Variants in ACYP2 observed in about 807,000 individuals in gnomAD.
ACYP2 encodes acylphosphatase-2.
Under a neutral mutation model 11.2 loss-of-function variants are expected in ACYP2, and 12 were observed. That is an observed-to-expected ratio of 1.08 (90% CI 0.69 to 1.74). The LOEUF (loss-of-function observed/expected upper bound fraction) is 1.74, where lower values mean the gene tolerates loss of function less well. ACYP2 is among the 40% of genes most tolerant of loss of function. ACYP2 has a pLI of 0.00. For synonymous variants in ACYP2, 43 were observed against 32.2 expected (o/e 1.33, Z -1.13); for missense variants, 134 against 101.9 (o/e 1.31, Z -1.35).
Position 54,146,460 on chromosome 2 carries a change from A to T in ACYP2, c.404+7712A>T, listed in dbSNP as rs1367617715. Among the ~76,000 whole-genome samples the T allele has an allele frequency of 4.0e-5, 6 of 148,824 alleles. No individual in the cohort carries two copies. In the East Asian group the frequency reaches 7.9e-4, roughly 20 times the overall value. On this transcript the variant is annotated intron_variant, in intron 6 of 6. Transcript: ENST00000607452. ...CTCTATTTTTTTTTTTTTTTATTAC[A>T]GACTGGATTTTACCCTGTTGGCCAG...
intron 6 of ACYP2, among the ~76,000 whole-genome samples, chr2:54,190,768 C>T (rs1260501865): frequency 6.6e-6 from 1 of 152,092 alleles, no homozygotes; most frequent in East Asian, 1.9e-4. Context: ...ACCTGAACTC[C>T]AGAGTCACAT....
chr2:53,981,693 G>A (rs935915493), intron 2 of ACYP2, among the ~76,000 whole-genome samples: 1 of 152,094 alleles, frequency 6.6e-6, no homozygotes, highest in African/African-American at 2.4e-5. Flanking sequence ...TTAGTTCTAG[G>A]AAGTCAGTGT....
In ACYP2 at chr2:54,170,406, G is replaced by A. The variant is rs965304466; in HGVS notation, c.404+31658G>A. Reference sequence around the variant, plus strand: ...AGCCTCAAGCAGTCTGCCTGCCTCCGCCTCCCAAAGTGCTGGGATTACAGG... The same window carrying A: ...AGCCTCAAGCAGTCTGCCTGCCTCCACCTCCCAAAGTGCTGGGATTACAGG... On this transcript the variant is annotated intron_variant, in intron 6 of 6. Transcript: ENST00000607452. Among the ~76,000 whole-genome samples the A allele has an allele frequency of 3.9e-5, 6 of 152,190 alleles. No homozygotes were observed. In the East Asian group the frequency reaches 7.7e-4, roughly 20 times the overall value.
intron 2 of ACYP2, among the ~76,000 whole-genome samples, chr2:54,007,354 A>G (rs1242570760): frequency 6.6e-6 from 1 of 150,756 alleles, no homozygotes; most frequent in African/African-American, 2.4e-5. Flanking sequence ...CCCGGGTCCA[A>G]GTGATTCTTC....
chr2:54,152,061 C>T (rs1682199293), intron 6 of ACYP2, among the ~76,000 whole-genome samples: 1 of 150,218 alleles, frequency 6.7e-6, no homozygotes, highest in Admixed American at 6.6e-5. Flanking sequence ...AATTGATGAG[C>T]CAATATTGAT....
intron 4 of ACYP2, among the ~76,000 whole-genome samples, chr2:54,104,584 A>G (rs1198794462): frequency 6.6e-6 from 1 of 152,218 alleles, no homozygotes; most frequent in East Asian, 1.9e-4. Context: ...CCAAATAAAC[A>G]GTCACCTTAC....
intron 4 of ACYP2, among the ~76,000 whole-genome samples, chr2:54,119,717 C>T (rs531862202): frequency 2.6e-5 from 4 of 152,250 alleles, no homozygotes; most frequent in South Asian, 4.1e-4. Context: ...GTATAGGGAC[C>T]GTACAACTGG....
rs72908763 is a variant in ACYP2 at position 54,256,204 on chromosome 2, C to T, written c.405-48484C>T. ...TAGAGGCCAGGCCAGAGGTAGGTAGCGTCAACGTTCCTCACACAAAATGGC... is the reference window on the plus strand; with the variant it reads ...TAGAGGCCAGGCCAGAGGTAGGTAGTGTCAACGTTCCTCACACAAAATGGC... On this transcript the variant is annotated intron_variant, in intron 6 of 6. Coordinates refer to ENST00000607452, the MANE Select transcript of ACYP2 (RefSeq NM_001320586.2). The T allele has an allele frequency of 4.7e-5, 72 of 1,537,516 alleles. No homozygotes were observed. The African/African-American group carries it at 8.6e-4, about 18-fold the overall frequency.
chr2:54,065,512 G>A (rs2103638933), intron 4 of ACYP2: 1 of 398,564 alleles, frequency 2.5e-6, no homozygotes, highest in East Asian at 3.6e-5. Flanking sequence ...CCCTGATCAG[G>A]GAAAATGCAG....
intron 3 of ACYP2, among the ~76,000 whole-genome samples, chr2:54,051,931 C>T (rs1406166436): frequency 6.6e-6 from 1 of 152,016 alleles, no homozygotes; most frequent in Non-Finnish European, 1.5e-5. Flanking sequence ...CCTGTAATCC[C>T]AGCTACTCGG....
chr2:54,138,544 A>G (rs1459588264), intron 5 of ACYP2, 95 bp from the exon 3 acceptor site: 4 of 915,796 alleles, frequency 4.4e-6, no homozygotes, highest in Non-Finnish European at 6.6e-6. Flanking sequence ...AAAAATGATT[A>G]TTAGGTTAGC....
intron 4 of ACYP2, among the ~76,000 whole-genome samples, chr2:54,110,851 G>C (rs566311669): frequency 6.6e-6 from 1 of 151,970 alleles, no homozygotes; most frequent in Non-Finnish European, 1.5e-5. Context: ...CACGTTGACC[G>C]ATACCTGAGG....
intron 6 of ACYP2, among the ~76,000 whole-genome samples, chr2:54,293,227 C>T (rs989833439): frequency 6.6e-6 from 1 of 152,178 alleles, no homozygotes; most frequent in Non-Finnish European, 1.5e-5. Flanking sequence ...TACTTCCATC[C>T]ATTACCACTG....
At chr2:54,290,260 CAG>C (rs1458027384) in intron 6 of ACYP2, among the ~76,000 whole-genome samples, 1 of 152,006 alleles carries the variant, frequency 6.6e-6, no homozygotes, top group African/African-American at 2.4e-5. Flanking sequence ...TCCACGGCCA[CAG>C]AGACTGGTGC....
At chr2:54,045,179 T>C (rs1675445550) in intron 2 of ACYP2, among the ~76,000 whole-genome samples, 2 of 152,220 alleles carry the variant, frequency 1.3e-5, no homozygotes, top group African/African-American at 2.4e-5. Flanking sequence ...GAATGCAGTT[T>C]CCACATCCTA....
chr2:54,150,744 T>C (rs59025739), intron 6 of ACYP2, among the ~76,000 whole-genome samples: 65,889 of 144,782 alleles, frequency 0.46, 15,051 homozygotes, highest in East Asian at 0.69. Flanking sequence ...TCTTTCTTTT[T>C]TTTTTTTTTT....
chr2:54,200,561 C>T (rs1317343007), intron 6 of ACYP2, among the ~76,000 whole-genome samples: 2 of 152,108 alleles, frequency 1.3e-5, no homozygotes, highest in African/African-American at 4.8e-5. Flanking sequence ...ATAATGTTTT[C>T]AAGGTTTATT....
rs147908519 is a variant in ACYP2, at chr2:54,005,275, A to G, written c.62+31465A>G. 6.4e-3 allele frequency among the ~76,000 whole-genome samples: 974 copies of G among 151,488 alleles called. 3 individuals carry two copies. The highest frequency in any genetic ancestry group is 0.017 in the Middle Eastern group (5 of 292). On this transcript the variant is annotated intron_variant, in intron 2 of 6. Transcript: ENST00000607452. Reference sequence around the variant, plus strand: ...TCTAGCACCATTTGTTGAAAAGACTATATTTTCTCCATTGTGTTGTCTTTG... The same window carrying G: ...TCTAGCACCATTTGTTGAAAAGACTGTATTTTCTCCATTGTGTTGTCTTTG...
chr2:54,226,880 A>T (rs1383392358), intron 6 of ACYP2, among the ~76,000 whole-genome samples: 1 of 152,210 alleles, frequency 6.6e-6, no homozygotes, highest in Non-Finnish European at 1.5e-5. Context: ...CCAACTCTTC[A>T]TAGCAACACA....
Sources: gnomAD v4.1 joint callset for allele counts (sites outside exome capture counted in the v4.1 genomes callset) on GRCh38, gnomAD v4.1.1 for gene constraint, MANE v1.5 for transcripts, NCBI Gene and HGNC (gene_info 2026-07-23, HGNC 2026-07-21) for gene names.